Variants in CDH12 observed in about 807,000 individuals in gnomAD.
The protein encoded by CDH12 is cadherin-12.
A neutral mutation model predicts 74.1 loss-of-function variants in CDH12; 41 were observed. The observed-to-expected ratio is 0.55, with a 90% confidence interval of 0.43 to 0.72. CDH12 has a LOEUF of 0.72. Ranked by LOEUF, CDH12 falls within the 30% of genes least tolerant of loss-of-function variation. CDH12 has a pLI of 0.00. For missense variants in CDH12, 945 were observed against 977.2 expected, an observed-to-expected ratio of 0.97 and a Z score of 0.44; for synonymous variants, 399 against 355.0, an observed-to-expected ratio of 1.12 and a Z score of -1.39.
At chr5:22,500,437 T>C (rs916070002) in intron 2 of CDH12, among the ~76,000 whole-genome samples, 2 of 152,184 alleles carry the variant, frequency 1.3e-5, no homozygotes, top group African/African-American at 2.4e-5. Context: ...TTTCATAGAC[T>C]GCCCCAGAAG....
At chr5:22,610,908 AT>A (rs1277509609) in intron 1 of CDH12, among the ~76,000 whole-genome samples, 1 of 152,104 alleles carries the variant, frequency 6.6e-6, no homozygotes, top group African/African-American at 2.4e-5. Context: ...ATACTCTTTG[AT>A]AGATGAGGAT....
At position 22,029,941 on chromosome 5, in the gene CDH12, G is replaced by T. The variant is rs373955409; in HGVS notation, c.231+48505C>A. On this transcript the variant is annotated intron_variant, in intron 5 of 14. Coordinates refer to ENST00000382254, the MANE Select transcript of CDH12 (RefSeq NM_004061.5). ...TGGAATACTATGCAGCCATAAAAAAGGATGAGTTCATGTCCTTTGTAGGGA... is the reference window on the plus strand; with the variant it reads ...TGGAATACTATGCAGCCATAAAAAATGATGAGTTCATGTCCTTTGTAGGGA... Among the ~76,000 whole-genome samples the T allele has an allele frequency of 2.0e-4, 30 of 151,648 alleles. No homozygotes were observed. The South Asian group carries it at 4.0e-3, about 20-fold the overall frequency.
intron 1 of CDH12, among the ~76,000 whole-genome samples, chr5:22,798,221 A>G (rs545268875): frequency 1.3e-5 from 2 of 152,272 alleles, no homozygotes; most frequent in African/African-American, 2.4e-5. Flanking sequence ...CCATTTTGAT[A>G]TCAATTTGTC....
chr5:22,523,085 G>A (rs1178882303), intron 1 of CDH12, among the ~76,000 whole-genome samples: 1 of 152,090 alleles, frequency 6.6e-6, no homozygotes, highest in Non-Finnish European at 1.5e-5. Flanking sequence ...CTTAGCACTA[G>A]GTATCTGGAT....
At chr5:22,787,144 A>G (rs900240427) in intron 1 of CDH12, among the ~76,000 whole-genome samples, 4 of 152,052 alleles carry the variant, frequency 2.6e-5, no homozygotes, top group African/African-American at 7.2e-5. Flanking sequence ...CACACCACAC[A>G]CACACACACA....
chr5:22,629,114 T>C (rs1738448263), intron 1 of CDH12, among the ~76,000 whole-genome samples: 2 of 151,954 alleles, frequency 1.3e-5, no homozygotes, highest in African/African-American at 4.8e-5. Context: ...ATAAAAAGGC[T>C]GCCAACCAGG....
chr5:22,144,094 C>T (rs970880853), intron 4 of CDH12: 8 of 152,056 alleles, frequency 5.3e-5, no homozygotes, highest in Non-Finnish European at 1.2e-4. Context: ...CCACTTCTAC[C>T]AAAACATAAA....
chr5:22,727,494 T>G (rs2126998857), intron 1 of CDH12, among the ~76,000 whole-genome samples: 1 of 151,870 alleles, frequency 6.6e-6, no homozygotes, highest in East Asian at 1.9e-4. Flanking sequence ...ACTATTTCAC[T>G]ATTTATATAT....
chr5:22,413,656 C>A (rs1444118), intron 2 of CDH12, among the ~76,000 whole-genome samples: 50,506 of 151,578 alleles, frequency 0.33, 9,971 homozygotes, highest in Admixed American at 0.46. Context: ...GGCATATGGG[C>A]TTAAGGCAAA....
intron 6 of CDH12, among the ~76,000 whole-genome samples, chr5:21,963,120 T>C (rs868439089): frequency 6.9e-6 from 1 of 145,636 alleles, no homozygotes; most frequent in Non-Finnish European, 1.5e-5. Flanking sequence ...GATAGATAGA[T>C]AGATAGAGAG....
rs201908454 is a variant in CDH12 at position 22,270,604 on chromosome 5, A to T, written c.-332-57961T>A. On this transcript the variant is annotated intron_variant, in intron 3 of 14. Transcript: ENST00000382254. ...GGTGAGACACCGTCTCAAAAAAAAA[A>T]ATATATATATATATATGTATACACA... Among the ~76,000 whole-genome samples, 1,373 of 145,264 alleles carry T rather than the reference A, an allele frequency of 9.5e-3. 9 individuals are homozygous for T. The highest frequency in any genetic ancestry group is 0.017 in the South Asian group (78 of 4,510).
chr5:22,014,697 T>G (rs1207886673), intron 5 of CDH12, among the ~76,000 whole-genome samples: 2 of 152,026 alleles, frequency 1.3e-5, no homozygotes, highest in Admixed American at 1.3e-4. Flanking sequence ...TATGATAAAA[T>G]TTTACCTCAT....
intron 1 of CDH12, among the ~76,000 whole-genome samples, chr5:22,550,866 G>A (rs1738533095): frequency 6.6e-6 from 1 of 152,264 alleles, no homozygotes; most frequent in African/African-American, 2.4e-5. Flanking sequence ...TCTGCCTCGT[G>A]TGCCCTCCCT....
intron 1 of CDH12, among the ~76,000 whole-genome samples, chr5:22,535,372 G>T (rs1017077216): frequency 1.4e-4 from 22 of 151,910 alleles, no homozygotes; most frequent in Non-Finnish European, 2.9e-4. Flanking sequence ...TAGCCAGGAT[G>T]GTCTCGATCT....
intron 4 of CDH12, among the ~76,000 whole-genome samples, chr5:22,147,322 G>A (rs1747252912): frequency 1.3e-5 from 2 of 151,974 alleles, no homozygotes; most frequent in South Asian, 2.1e-4. Flanking sequence ...TGTTCCCTTT[G>A]GAGGATGTTT....
At chr5:21,933,997 G>C (rs1017704628) in intron 6 of CDH12, among the ~76,000 whole-genome samples, 19 of 152,262 alleles carry the variant, frequency 1.2e-4, no homozygotes, top group African/African-American at 3.6e-4. Flanking sequence ...TTGACAAAAG[G>C]ATTGCTTGAA....
intron 6 of CDH12, among the ~76,000 whole-genome samples, chr5:21,874,445 G>T (rs1214164556): frequency 2.0e-5 from 3 of 152,280 alleles, no homozygotes; most frequent in East Asian, 1.9e-4. Flanking sequence ...AGTAAAGAGA[G>T]CTCACTAAAA....
At chr5:22,223,355 A>T (rs1752083901) in intron 3 of CDH12, among the ~76,000 whole-genome samples, 1 of 152,038 alleles carries the variant, frequency 6.6e-6, no homozygotes, top group Non-Finnish European at 1.5e-5. Flanking sequence ...TATAGAAGAC[A>T]TCAAGAAAAA....
rs1743970106 is a variant in CDH12, at chr5:22,098,950, A to G, written c.-186-20088T>C. Among the ~76,000 whole-genome samples the G allele has an allele frequency of 2.0e-5, 3 of 152,116 alleles. No homozygotes were observed. In the South Asian group the frequency reaches 6.2e-4, roughly 32 times the overall value. On this transcript the variant is annotated intron_variant, in intron 4 of 14. Coordinates refer to ENST00000382254, the MANE Select transcript of CDH12 (RefSeq NM_004061.5). ...CCATTGTAGAAATCTATCCTCAAAG[A>G]AATAACTTCTCAGTGTTCCATCTGC...
Sources: allele counts gnomAD v4.1 joint callset (sites outside exome capture counted in the v4.1 genomes callset), GRCh38; gene constraint gnomAD v4.1.1; transcripts MANE v1.5; gene names NCBI Gene and HGNC (gene_info 2026-07-23, HGNC 2026-07-21).